Variants in ZDHHC20 observed in about 807,000 individuals in gnomAD.
ZDHHC20 encodes palmitoyltransferase ZDHHC20.
Under a neutral mutation model 57.8 loss-of-function variants are expected in ZDHHC20, and 43 were observed. The ratio of observed to expected loss-of-function variants is 0.74; its 90% CI spans 0.58 to 0.96. The LOEUF (loss-of-function observed/expected upper bound fraction) is 0.96, where lower values mean the gene tolerates loss of function less well. Ranked by LOEUF, ZDHHC20 falls within the 40% of genes least tolerant of loss-of-function variation. The probability of loss-of-function intolerance (pLI) is 0.00; values close to 1 mark genes in which losing one functional copy is unlikely to be tolerated. For missense variants in ZDHHC20, 391 were observed against 441.1 expected, an observed-to-expected ratio of 0.89 and a Z score of 1.02; for synonymous variants, 157 against 153.0, an observed-to-expected ratio of 1.03 and a Z score of -0.19.
intron 1 of ZDHHC20, among the ~76,000 whole-genome samples, chr13:21,458,843 G>A (rs1380867987): frequency 2.0e-5 from 3 of 152,296 alleles, no homozygotes; most frequent in Non-Finnish European, 2.9e-5. Context: ...CCGCCGCAAG[G>A]CTTCAGGAGC....
intron 1 of ZDHHC20, among the ~76,000 whole-genome samples, chr13:21,452,417 A>G (rs1398736819): frequency 6.6e-6 from 1 of 152,226 alleles, no homozygotes; most frequent in African/African-American, 2.4e-5. Flanking sequence ...ACAAACATAC[A>G]AAAACTGAAA....
At position 21,459,120 on chromosome 13, in the gene ZDHHC20, G is replaced by A. The variant is rs1299519245; in HGVS notation, c.52C>T (p.Pro18Ser). The A allele has an allele frequency of 1.9e-6, 3 of 1,607,494 alleles. No individual in the cohort carries two copies. The highest frequency in any genetic ancestry group is 1.7e-6 in the Non-Finnish European group (2 of 1,177,536). Reference protein sequence around the residue: ...RCCQRVVGWVPVLFITFVVVW... With the variant: ...RCCQRVVGWVSVLFITFVVVW... Reference sequence around the variant, plus strand: ...ACCACGAAGGTGATGAAGAGCACCGGCACCCAGCCCACGACGCGCTGGCAG... The same window carrying A: ...ACCACGAAGGTGATGAAGAGCACCGACACCCAGCCCACGACGCGCTGGCAG... Residue 18 changes from proline to serine, a missense_variant, in exon 1 of 13, where the codon CCG becomes TCG. Physicochemically the swap from Pro to Ser is moderately conservative, Grantham distance 74. Coordinates refer to ENST00000400590, the MANE Select transcript of ZDHHC20 (RefSeq NM_001330059.2).
intron 12 of ZDHHC20, 137 bp from the exon 13 acceptor site, chr13:21,376,792 A>G (rs1346538210): frequency 4.3e-6 from 2 of 468,196 alleles, no homozygotes; most frequent in Non-Finnish European, 7.5e-6. Flanking sequence ...CACTACTAAT[A>G]TTATAACAAT....
chr13:21,381,953 GA>G, intron 10 of ZDHHC20: 2 of 520,854 alleles, frequency 3.8e-6, no homozygotes, highest in South Asian at 1.4e-5. Flanking sequence ...GATCTAAGGG[GA>G]AAAAATGATT....
intron 7 of ZDHHC20, among the ~76,000 whole-genome samples, chr13:21,393,160 G>A (rs1032702022): frequency 2.6e-5 from 4 of 151,136 alleles, no homozygotes; most frequent in Non-Finnish European, 5.9e-5. Flanking sequence ...AGAACATGTA[G>A]CTGTTCAAGC....
chr13:21,445,117 T>A (rs1450404013), intron 1 of ZDHHC20, among the ~76,000 whole-genome samples: 1 of 152,030 alleles, frequency 6.6e-6, no homozygotes, highest in Non-Finnish European at 1.5e-5. Context: ...TTTATATATA[T>A]ATATGGGAGA....
At chr13:21,387,979 T>TCC (rs1874880391) in intron 8 of ZDHHC20, among the ~76,000 whole-genome samples, 1 of 152,154 alleles carries the variant, frequency 6.6e-6, no homozygotes. Context: ...CCTACTATGT[T>TCC]CCTGATAGCA....
intron 1 of ZDHHC20, among the ~76,000 whole-genome samples, chr13:21,452,001 A>T (rs1218460128): frequency 6.6e-6 from 1 of 152,188 alleles, no homozygotes; most frequent in African/African-American, 2.4e-5. Flanking sequence ...TCTCCAAAAA[A>T]AAAACAAAAA....
rs145902073 is a variant in ZDHHC20, at chr13:21,446,999, TC to T, written c.118+12054del. The stretch of plus-strand genomic sequence containing the variant: ...GAGCAAGAAAGGACGCCAGTCAAGA[TC>T]TTGAGAATAGGAGTAACAAACTGGT... On this transcript the variant is annotated intron_variant, in intron 1 of 12. Transcript: ENST00000400590. 4.4e-3 allele frequency among the ~76,000 whole-genome samples: 663 copies of T among 152,132 alleles called. 2 individuals carry two copies. The highest frequency in any genetic ancestry group is 0.015 in the African/African-American group (623 of 41,524).
intron 1 of ZDHHC20, among the ~76,000 whole-genome samples, chr13:21,439,237 C>T (rs970553181): frequency 9.9e-5 from 15 of 152,180 alleles, no homozygotes; most frequent in African/African-American, 2.9e-4. Context: ...CAGTGGCTCA[C>T]GCCTGTAATC....
At chr13:21,427,035 G>A (rs746183740) in intron 1 of ZDHHC20, among the ~76,000 whole-genome samples, 14 of 152,098 alleles carry the variant, frequency 9.2e-5, no homozygotes, top group Non-Finnish European at 1.5e-4. Context: ...TTCAAGGCCC[G>A]TTTTGAATAC....
rs2137889350 is a variant in ZDHHC20 at position 21,417,740 on chromosome 13, T to G, written c.249+3321A>C. The stretch of plus-strand genomic sequence containing the variant: ...AGGGGTGAGCCACCACGTCTGGCCC[T>G]AGTTTTTGCTTTTTAGACCCAATCA... On this transcript the variant is annotated intron_variant, in intron 3 of 12. Coordinates refer to ENST00000400590, the MANE Select transcript of ZDHHC20 (RefSeq NM_001330059.2). 1.3e-5 allele frequency among the ~76,000 whole-genome samples: 2 copies of G among 152,092 alleles called. 1 individual carries two copies. Among genetic ancestry groups the G allele is most frequent in the Non-Finnish European group, 2.9e-5 (2 of 67,938 alleles).
At chr13:21,383,916 T>C (rs758040148) in intron 9 of ZDHHC20, among the ~76,000 whole-genome samples, 6 of 152,046 alleles carry the variant, frequency 3.9e-5, no homozygotes, top group East Asian at 1.9e-4. Context: ...TATAGGGACT[T>C]TTACTTCTAG....
intron 1 of ZDHHC20, among the ~76,000 whole-genome samples, chr13:21,446,698 A>T (rs1001162209): frequency 6.6e-6 from 1 of 152,172 alleles, no homozygotes; most frequent in East Asian, 1.9e-4. Context: ...CTGTTCAAGT[A>T]TATGTTCTAC....
chr13:21,387,413 T>C (rs984695050), intron 9 of ZDHHC20, 95 bp downstream of exon 9: 1 of 942,780 alleles, frequency 1.1e-6, no homozygotes, highest in Non-Finnish European at 1.4e-6. Flanking sequence ...GAGAATATCA[T>C]TATATATTAT....
At position 21,448,243 on chromosome 13, in the gene ZDHHC20, C is replaced by T. The variant is rs1417732518; in HGVS notation, c.118+10811G>A. On this transcript the variant is annotated intron_variant, in intron 1 of 12. Coordinates refer to ENST00000400590, the MANE Select transcript of ZDHHC20 (RefSeq NM_001330059.2). ...GCTGCCCCATCCGGGAGGTGAGGGG[C>T]GCCTCTGCCCGGCCGCCCCTACTGG... 4.2e-4 allele frequency among the ~76,000 whole-genome samples: 26 copies of T among 62,460 alleles called. 1 individual carries two copies. The highest frequency in any genetic ancestry group is 6.8e-4 in the African/African-American group (13 of 19,246). 41.0% of individuals were successfully genotyped at this position (62,460 alleles called of 152,430 possible).
chr13:21,381,144 A>C (rs906831411), intron 11 of ZDHHC20, among the ~76,000 whole-genome samples: 5 of 151,734 alleles, frequency 3.3e-5, no homozygotes, highest in East Asian at 2.0e-4. Flanking sequence ...GTAGCTGGGA[A>C]TACAGGCGCC....
intron 3 of ZDHHC20, among the ~76,000 whole-genome samples, chr13:21,414,245 T>A (rs1879622916): frequency 6.9e-6 from 1 of 145,688 alleles, no homozygotes; most frequent in Non-Finnish European, 1.5e-5. Context: ...TTTTTTTTTT[T>A]AACCATTTTT....
chr13:21,436,412 GCT>G (rs1882548661), intron 1 of ZDHHC20, among the ~76,000 whole-genome samples: 1 of 152,150 alleles, frequency 6.6e-6, no homozygotes, highest in African/African-American at 2.4e-5. Context: ...GTCTATCTGT[GCT>G]ATTTTTCCAA....
Sources: allele counts gnomAD v4.1 joint callset (sites outside exome capture counted in the v4.1 genomes callset), GRCh38; gene constraint gnomAD v4.1.1; transcripts MANE v1.5; gene names NCBI Gene and HGNC (gene_info 2026-07-23, HGNC 2026-07-21).